Variants in ENOX1 observed in about 807,000 individuals in gnomAD.
The protein encoded by ENOX1 is candidate growth-related and time keeping constitutive hydroquinone (NADH) oxidase.
In ENOX1, 42 loss-of-function variants were observed where a neutral mutation model predicts 82.5. The ratio of observed to expected loss-of-function variants is 0.51; its 90% CI spans 0.40 to 0.66. The LOEUF (loss-of-function observed/expected upper bound fraction) is 0.66. ENOX1 is among the 30% of genes least tolerant of loss of function. The pLI is 0.00. For missense variants in ENOX1, 608 were observed against 811.6 expected (o/e 0.75, Z 3.05); for synonymous variants, 271 against 282.2 (o/e 0.96, Z 0.40).
At position 43,344,640 on chromosome 13, in the gene ENOX1, T is replaced by C. The variant is rs779323181; in HGVS notation, c.934A>G (p.Ser312Gly). The change falls in exon 9 of 17, where the codon AGC (serine) becomes GGC (glycine). Residue 312 changes from serine to glycine, a missense_variant. Coordinates refer to ENST00000690772, the MANE Select transcript of ENOX1 (RefSeq NM_001347969.2). ...TCATTCATTAGCCGGCGGACGTGGC[T>C]GTTGGCCGACTGCACCATGGAATAG... The part of the protein sequence containing the change: ...QFYSMVQSAN[S>G]HVRRLMNEKA... 2 of 1,614,154 alleles carry C rather than the reference T, an allele frequency of 1.2e-6. No homozygotes were observed. Among genetic ancestry groups the C allele is most frequent in the Non-Finnish European group, 1.7e-6 (2 of 1,180,028 alleles).
chr13:43,635,235 G>GCTTCCA (rs2083370330), intron 2 of ENOX1, among the ~76,000 whole-genome samples: 1 of 152,178 alleles, frequency 6.6e-6, no homozygotes, highest in African/African-American at 2.4e-5. Context: ...GTAATCAGTG[G>GCTTCCA]GAAATGGAAG....
At chr13:43,604,150 A>G (rs1406070154) in intron 2 of ENOX1, among the ~76,000 whole-genome samples, 1 of 150,598 alleles carries the variant, frequency 6.6e-6, no homozygotes, top group African/African-American at 2.5e-5. Flanking sequence ...GATGGCGAGC[A>G]TTTTTTCATG....
intron 5 of ENOX1, among the ~76,000 whole-genome samples, chr13:43,364,208 A>C (rs1486605702): frequency 6.6e-6 from 1 of 152,210 alleles, no homozygotes; most frequent in East Asian, 1.9e-4. Context: ...GGAAGACACA[A>C]ACACAGGAAG....
intron 1 of ENOX1, among the ~76,000 whole-genome samples, chr13:43,685,793 A>T (rs1191076830): frequency 4.0e-5 from 6 of 151,736 alleles, no homozygotes; most frequent in Admixed American, 4.0e-4. Context: ...GCCTGCTGGG[A>T]GGCATACCCA....
chr13:43,283,069 C>A (rs1045082921), intron 12 of ENOX1, among the ~76,000 whole-genome samples: 2 of 149,208 alleles, frequency 1.3e-5, no homozygotes, highest in South Asian at 2.1e-4. Context: ...GGTGACAGAG[C>A]GAGACTCGGT....
chr13:43,581,638 C>T (rs369828770), intron 2 of ENOX1, among the ~76,000 whole-genome samples: 5 of 152,104 alleles, frequency 3.3e-5, no homozygotes, highest in South Asian at 4.1e-4. Flanking sequence ...TTATTGATTA[C>T]GAGTGATACT....
chr13:43,500,273 A>T (rs2076935115), intron 2 of ENOX1, among the ~76,000 whole-genome samples: 1 of 152,166 alleles, frequency 6.6e-6, no homozygotes, highest in South Asian at 2.1e-4. Flanking sequence ...GTGGAACCTA[A>T]AGAGTTCTAG....
intron 5 of ENOX1, among the ~76,000 whole-genome samples, chr13:43,371,266 A>T (rs1162036601): frequency 6.6e-6 from 1 of 152,226 alleles, no homozygotes; most frequent in African/African-American, 2.4e-5. Context: ...ATTTTTGAAC[A>T]TTCAGTCAAG....
chr13:43,398,425 G>A (rs1278839257), intron 5 of ENOX1, among the ~76,000 whole-genome samples: 1 of 152,058 alleles, frequency 6.6e-6, no homozygotes, highest in African/African-American at 2.4e-5. Context: ...AACTTTAGTT[G>A]CAGTTTCCAG....
At chr13:43,373,188 C>T (rs998300385) in intron 5 of ENOX1, among the ~76,000 whole-genome samples, 30 of 151,932 alleles carry the variant, frequency 2.0e-4, no homozygotes, top group Admixed American at 1.8e-3. Context: ...AAAGCATATC[C>T]TACTTCTCGG....
Position 43,614,407 on chromosome 13 carries a change from T to A in ENOX1, c.-219+53072A>T, listed in dbSNP as rs371213290. On this transcript the variant is annotated intron_variant, in intron 2 of 16. Transcript: ENST00000690772. Reference sequence around the variant, plus strand: ...TCTGTGTGATCAGGAACTGAACAACTCTGAGGCTCTTTTTCTAAGCTCTTA... The same window carrying A: ...TCTGTGTGATCAGGAACTGAACAACACTGAGGCTCTTTTTCTAAGCTCTTA... Among the ~76,000 whole-genome samples, 216 of 152,266 alleles carry A rather than the reference T, an allele frequency of 1.4e-3. 2 individuals carry two copies. The Middle Eastern group carries it at 0.027, about 19-fold the overall frequency.
At chr13:43,486,438 G>A (rs983239867) in intron 2 of ENOX1, among the ~76,000 whole-genome samples, 1 of 151,888 alleles carries the variant, frequency 6.6e-6, no homozygotes. Context: ...CAAATTTTCA[G>A]ATTAAATGCC....
At chr13:43,477,795 G>A (rs1418892057) in intron 3 of ENOX1, among the ~76,000 whole-genome samples, 1 of 152,118 alleles carries the variant, frequency 6.6e-6, no homozygotes, top group African/African-American at 2.4e-5. Context: ...AATGTTTATA[G>A]AGTCTGGATT....
chr13:43,521,853 T>C (rs756222483), intron 2 of ENOX1, among the ~76,000 whole-genome samples: 2 of 152,114 alleles, frequency 1.3e-5, no homozygotes, highest in Admixed American at 6.5e-5. Context: ...TTTTTGAGTA[T>C]ACAAAAAATA....
intron 14 of ENOX1, among the ~76,000 whole-genome samples, chr13:43,263,988 T>C (rs2044229605): frequency 6.6e-6 from 1 of 152,230 alleles, no homozygotes; most frequent in African/African-American, 2.4e-5. Context: ...TCTGTATGAA[T>C]GGCTTCCTCC....
At chr13:43,724,311 A>G (rs566312493) in intron 1 of ENOX1, among the ~76,000 whole-genome samples, 1 of 152,354 alleles carries the variant, frequency 6.6e-6, no homozygotes, top group East Asian at 1.9e-4. Context: ...CCTAGGACAC[A>G]GAATGCTGAG....
chr13:43,724,151 C>A (rs894980517), intron 1 of ENOX1, among the ~76,000 whole-genome samples: 1 of 152,204 alleles, frequency 6.6e-6, no homozygotes, highest in Non-Finnish European at 1.5e-5. Flanking sequence ...TTTTCATGCT[C>A]TTTCTTTTAA....
intron 3 of ENOX1, among the ~76,000 whole-genome samples, chr13:43,432,619 G>A (rs534344841): frequency 6.6e-6 from 1 of 152,116 alleles, no homozygotes; most frequent in South Asian, 2.1e-4. Context: ...CTCCAGCCTG[G>A]GCAACAGAGT....
At chr13:43,646,910 A>G (rs906852049) in intron 2 of ENOX1, among the ~76,000 whole-genome samples, 1 of 152,150 alleles carries the variant, frequency 6.6e-6, no homozygotes, top group Non-Finnish European at 1.5e-5. Context: ...CAAAATTTCT[A>G]TTTTCTCTTC....
Sources: allele counts gnomAD v4.1 joint callset (sites outside exome capture counted in the v4.1 genomes callset), GRCh38; gene constraint gnomAD v4.1.1; transcripts MANE v1.5; gene names NCBI Gene and HGNC (gene_info 2026-07-23, HGNC 2026-07-21).